Variants in SVEP1 observed in about 807,000 individuals in gnomAD.
The protein encoded by SVEP1 is sushi, von Willebrand factor type A, EGF and pentraxin domain-containing protein 1.
SVEP1 carries 164 observed loss-of-function variants against 367.3 expected under a neutral mutation model. The ratio of observed to expected loss-of-function variants is 0.45; its 90% CI spans 0.39 to 0.51. The LOEUF (loss-of-function observed/expected upper bound fraction) is 0.51. Among genes scored for constraint, SVEP1 ranks in the 20% least tolerant of loss-of-function variants. The probability of loss-of-function intolerance (pLI) is 0.00; values close to 1 mark genes in which losing one functional copy is unlikely to be tolerated. For missense variants in SVEP1, 4,117 were observed against 4,425.3 expected (o/e 0.93, Z 1.98); for synonymous variants, 1,666 against 1,611.6 (o/e 1.03, Z -0.81).
chr9:110,564,114 T>C (rs539624122), intron 1 of SVEP1, among the ~76,000 whole-genome samples: 1 of 152,198 alleles, frequency 6.6e-6, no homozygotes, highest in Non-Finnish European at 1.5e-5. Context: ...AAATACGAGC[T>C]ACGAAGAGAA....
At chr9:110,440,386 T>C (rs1828495033) in intron 27 of SVEP1, among the ~76,000 whole-genome samples, 1 of 152,212 alleles carries the variant, frequency 6.6e-6, no homozygotes, top group Non-Finnish European at 1.5e-5. Flanking sequence ...CCTGTTCTTC[T>C]GACTCATCCT....
chr9:110,453,703 A>G (rs553133267), intron 22 of SVEP1, among the ~76,000 whole-genome samples: 2 of 152,122 alleles, frequency 1.3e-5, no homozygotes, highest in East Asian at 3.9e-4. Context: ...CCCCATCTCT[A>G]CTAAAAATAC....
chr9:110,375,489 A>AAAAAAC, intron 45 of SVEP1, 26 bp from the exon 46 acceptor site: 1 of 1,362,664 alleles, frequency 7.3e-7, no homozygotes, highest in Non-Finnish European at 1.0e-6. Context: ...AAAAAAAAAA[A>AAAAAAC]AGGAGGCAGG....
At chr9:110,371,263 C>A (rs553769789) in intron 46 of SVEP1, among the ~76,000 whole-genome samples, 1 of 152,178 alleles carries the variant, frequency 6.6e-6, no homozygotes, top group Non-Finnish European at 1.5e-5. Flanking sequence ...TATAAGAACA[C>A]GTTACTCCTT....
intron 42 of SVEP1, among the ~76,000 whole-genome samples, chr9:110,386,562 A>C (rs1010838197): frequency 1.3e-5 from 2 of 152,036 alleles, no homozygotes; most frequent in Non-Finnish European, 2.9e-5. Flanking sequence ...GTGACTTTAG[A>C]CTCATACTGC....
chr9:110,402,936 G>T (rs1309774275), intron 39 of SVEP1, among the ~76,000 whole-genome samples: 2 of 152,040 alleles, frequency 1.3e-5, no homozygotes, highest in East Asian at 3.9e-4. Context: ...AGAAGGGAAT[G>T]GTTCTTGAGT....
In SVEP1 at chr9:110,406,828, G is replaced by A. The variant is rs758272920; in HGVS notation, c.8772C>T (p.His2924=). 3.2e-5 allele frequency: 51 copies of A among 1,613,856 alleles called. No homozygotes were observed. The highest frequency in any genetic ancestry group is 2.1e-4 in the South Asian group (19 of 91,084). ...ACTGACAGGTGAGTTTTGGAGCACC[G>A]TGCAAGATGTAGCCCTCGTGACAGT... ...TFHCHEGYIL[H]GAPKLTCQSD... The change falls in exon 38 of 48, where the codon CAC becomes CAT. Residue 2924 remains histidine (H), a synonymous_variant. Coordinates refer to ENST00000374469, the MANE Select transcript of SVEP1 (RefSeq NM_153366.4).
At chr9:110,563,584 A>G (rs769734133) in intron 1 of SVEP1, among the ~76,000 whole-genome samples, 1 of 152,142 alleles carries the variant, frequency 6.6e-6, no homozygotes, top group African/African-American at 2.4e-5. Flanking sequence ...GGGCAACCAC[A>G]CTCTGTTGTG....
intron 1 of SVEP1, among the ~76,000 whole-genome samples, chr9:110,575,251 G>A (rs1830613438): frequency 6.6e-6 from 1 of 152,182 alleles, no homozygotes; most frequent in Non-Finnish European, 1.5e-5. Flanking sequence ...TAGTTGGAAG[G>A]GGAAAGCTGA....
Position 110,411,711 on chromosome 9 carries a change from G to T in SVEP1, c.6000C>A (p.Thr2000=). ...ACTTGCCGTCGGCCAGGCATTCAAT[G>T]GTGTCAAGACCAGCAAGAGTATAGC... ...KEGYTLAGLD[T]IECLADGKWS... is the part of the protein sequence containing the mutation. The change falls in exon 37 of 48, where the codon ACC becomes ACA. Residue 2000 remains threonine, a synonymous_variant. Coordinates refer to ENST00000374469, the MANE Select transcript of SVEP1 (RefSeq NM_153366.4). 2 of 1,587,106 alleles carry T rather than the reference G, an allele frequency of 1.3e-6. No homozygotes were observed. Among genetic ancestry groups the T allele is most frequent in the Non-Finnish European group, 1.7e-6 (2 of 1,166,696 alleles).
intron 36 of SVEP1, among the ~76,000 whole-genome samples, chr9:110,416,230 C>T (rs949839286): frequency 6.6e-6 from 1 of 151,440 alleles, no homozygotes; most frequent in Admixed American, 6.6e-5. Context: ...AGAAAAAAAG[C>T]TCTAAAATAT....
intron 36 of SVEP1, among the ~76,000 whole-genome samples, chr9:110,415,408 G>C (rs1184262695): frequency 6.6e-6 from 1 of 152,020 alleles, no homozygotes; most frequent in Non-Finnish European, 1.5e-5. Flanking sequence ...TGTGTGCAGG[G>C]CAATGGTCTG....
rs969947086 is a variant in SVEP1, at chr9:110,408,507, G to C, written c.7093C>G (p.Pro2365Ala). ...LQGPSVLKCL[P>A]SQQWNDSFPV... Reference sequence around the variant, plus strand: ...AAAGAGTCATTCCATTGCTGGGATGGCAAGCATTTCAGGACAGAGGGGCCT... The same window carrying C: ...AAAGAGTCATTCCATTGCTGGGATGCCAAGCATTTCAGGACAGAGGGGCCT... Residue 2365 changes from proline (P) to alanine (A), a missense_variant, in exon 38 of 48, where the codon CCA becomes GCA. By Grantham distance (27) the Pro-to-Ala change is conservative. Coordinates refer to ENST00000374469, the MANE Select transcript of SVEP1 (RefSeq NM_153366.4). The C allele has an allele frequency of 2.5e-6, 4 of 1,613,836 alleles. No homozygotes were observed. Among genetic ancestry groups the C allele is most frequent in the Non-Finnish European group, 2.5e-6 (3 of 1,179,858 alleles).
At chr9:110,448,041 A>G (rs1344192458) in intron 24 of SVEP1, among the ~76,000 whole-genome samples, 2 of 152,250 alleles carry the variant, frequency 1.3e-5, no homozygotes, top group Non-Finnish European at 2.9e-5. Context: ...TGTTTATAGA[A>G]GTCATATATG....
chr9:110,518,975 C>A (rs12553191), intron 3 of SVEP1, among the ~76,000 whole-genome samples: 1 of 152,076 alleles, frequency 6.6e-6, no homozygotes, highest in Non-Finnish European at 1.5e-5. Flanking sequence ...TGTCTGTAAC[C>A]TTCCCACCTC....
At chr9:110,390,351 T>TA (rs1554710776) in intron 40 of SVEP1, among the ~76,000 whole-genome samples, 1 of 27,316 alleles carries the variant, frequency 3.7e-5, no homozygotes, top group African/African-American at 1.9e-4. Flanking sequence ...TTATATACAC[T>TA]TATATATATA....
chr9:110,406,728 C>T lies in SVEP1; in HGVS notation c.8872G>A (p.Gly2958Ser). 1 of 1,614,026 alleles carries T rather than the reference C, an allele frequency of 6.2e-7. No individual in the cohort carries two copies. The highest frequency in any genetic ancestry group is 8.5e-7 in the Non-Finnish European group (1 of 1,179,896). The change falls in exon 38 of 48, where the codon GGT (glycine) becomes AGT (serine). Residue 2958 changes from glycine (G) to serine (S), a missense_variant. By Grantham distance (56) the Gly-to-Ser change is moderately conservative (BLOSUM62 0). Around this residue, in one of 4 missense-constraint regions of SVEP1, gnomAD observed 1,765 missense variants for 1,781.1 expected, o/e 0.99. Transcript: ENST00000374469. ...NCGPPEDLAHGFPNGFSFIHG... is the reference protein window; with the variant it reads ...NCGPPEDLAHSFPNGFSFIHG... ...ATAAAGGAAAAACCATTAGGGAAAC[C>T]ATGGGCAAGATCTTCAGGAGGTCCA...
At position 110,447,019 on chromosome 9, in the gene SVEP1, T is replaced by C; in HGVS notation, c.4142A>G (p.Glu1381Gly). The part of the protein sequence containing the change: ...CAAGFTGSHC[E>G]LNINECQSNP... The stretch of plus-strand genomic sequence containing the variant: ...AGACTGACATTCATTGATGTTCAAT[T>C]CACAGTGTGATCCTGTGAAGCCAGC... Residue 1381 changes from glutamate to glycine, a missense_variant, in exon 25 of 48, where the codon GAA becomes GGA. Physicochemically the swap from Glu to Gly is moderately conservative, Grantham distance 98 (BLOSUM62 -2). This residue lies in a region of SVEP1 where 2,174 missense variants were observed against 2,494.3 expected (regional missense o/e 0.87). Coordinates refer to ENST00000374469, the MANE Select transcript of SVEP1 (RefSeq NM_153366.4). 1 of 1,541,184 alleles carries C rather than the reference T, an allele frequency of 6.5e-7. No homozygotes were observed. The highest frequency in any genetic ancestry group is 8.7e-7 in the Non-Finnish European group (1 of 1,143,746).
At position 110,466,080 on chromosome 9, in the gene SVEP1, T is replaced by C. The variant is rs927718668; in HGVS notation, c.3161-54A>G. Reference sequence around the variant, plus strand: ...AATAATGATATTAAGCTGCATAAAATTAGTACTGTGCGGGATAGGGTTTTC... The same window carrying C: ...AATAATGATATTAAGCTGCATAAAACTAGTACTGTGCGGGATAGGGTTTTC... On this transcript the variant is annotated intron_variant, in intron 17 of 47. Coordinates refer to ENST00000374469, the MANE Select transcript of SVEP1 (RefSeq NM_153366.4). 5.8e-5 allele frequency: 91 copies of C among 1,562,668 alleles called. 1 individual carries two copies. The East Asian group carries it at 1.9e-3, about 33-fold the overall frequency.
Sources: allele counts gnomAD v4.1 joint callset (sites outside exome capture counted in the v4.1 genomes callset), GRCh38; gene constraint gnomAD v4.1.1; regional missense constraint gnomAD v4.1.1; transcripts MANE v1.5; gene names NCBI Gene and HGNC (gene_info 2026-07-23, HGNC 2026-07-21).